Variants in KCP observed in about 807,000 individuals in gnomAD.
The protein encoded by KCP is kielin/chordin-like protein.
KCP carries 194 observed loss-of-function variants against 212.7 expected under a neutral mutation model. The observed-to-expected ratio is 0.91, with a 90% CI of 0.81 to 1.03. KCP has a LOEUF of 1.03. Ranked by LOEUF, KCP falls within the 50% of genes least tolerant of loss-of-function variation. The probability of loss-of-function intolerance (pLI) is 0.00; values close to 1 mark genes in which losing one functional copy is unlikely to be tolerated. For synonymous variants in KCP, 833 were observed against 865.3 expected (o/e 0.96, Z 0.65); for missense variants, 2,080 against 2,162.5 (o/e 0.96, Z 0.76).
In KCP at chr7:128,891,166, C is replaced by T. The variant is rs992184063; in HGVS notation, c.1972+19G>A. Reference sequence around the variant, plus strand: ...GAGGGGACCCCCAGGGAGGAGCAGCCGAGGGGTGCGGCCCCTACCTGGGCA... The same window carrying T: ...GAGGGGACCCCCAGGGAGGAGCAGCTGAGGGGTGCGGCCCCTACCTGGGCA... On this transcript the variant is annotated intron_variant, in intron 19 of 39. Transcript: ENST00000610776. 2 of 1,540,796 alleles carry T rather than the reference C, an allele frequency of 1.3e-6. No individual in the cohort carries two copies. Among genetic ancestry groups the T allele is most frequent in the African/African-American group, 1.4e-5 (1 of 73,026 alleles).
rs1180651756 is a variant in KCP, at chr7:128,877,061, C to T, written c.4869G>A (p.Glu1623=). 3 of 1,529,060 alleles carry T rather than the reference C, an allele frequency of 2.0e-6. No individual in the cohort carries two copies. The highest frequency in any genetic ancestry group is 2.5e-5 in the East Asian group (1 of 40,678). The allele number at this position is 1,529,060 out of a possible 1,614,324, so 94.7% of individuals were successfully genotyped here. The change falls in exon 40 of 40, where the codon GAG becomes GAA. Residue 1623 remains glutamate (E), a synonymous_variant. Transcript: ENST00000610776. ...TCCTGGCTCAGGGTGTCTCCTGGGG[C>T]TCCCGGCTGGGGCTGGGCCGAGCAC... ...PLGARPSPSR[E]PQETP
intron 27 of KCP, 34 bp from the exon 28 acceptor site, chr7:128,884,897 G>A: frequency 1.3e-6 from 2 of 1,542,450 alleles, no homozygotes; most frequent in Non-Finnish European, 1.8e-6. Context: ...ACGGGACCAG[G>A]GGTCCTTCAG....
In KCP at chr7:128,880,738, T is replaced by C. The variant is rs113282626; in HGVS notation, c.3514-17A>G. 3 of 416,346 alleles carry C rather than the reference T, an allele frequency of 7.2e-6. No homozygotes were observed. Among genetic ancestry groups the C allele is most frequent in the African/African-American group, 6.1e-5 (3 of 48,998 alleles). 25.8% of individuals were successfully genotyped at this position (416,346 alleles called of 1,614,324 possible). A position where few individuals can be genotyped will look rare whatever the true frequency, so the allele number is the denominator to read the frequency against. ...ATGGCCCCGCTGAGGACAGACATCA[T>C]TGTTCTGGGGTTTTCTGCAGGGCCG... On this transcript the variant is annotated splice_polypyrimidine_tract_variant and intron_variant, in intron 32 of 39. Coordinates refer to ENST00000610776, the MANE Select transcript of KCP (RefSeq NM_001366122.1).
chr7:128,879,621 C>A lies in KCP; in HGVS notation c.4047G>T (p.Val1349=). ...AGGGCAAGGCCACCGGGTGCCCATCCACCTGGAGGATAAAGGAGGTGGGAG... is the reference window on the plus strand; with the variant it reads ...AGGGCAAGGCCACCGGGTGCCCATCAACCTGGAGGATAAAGGAGGTGGGAG... ...VRLLQDGAVT[V]DGHPVALPFL... The change falls in exon 37 of 40, where the codon GTG becomes GTT. Residue 1349 remains valine (V), a splice_region_variant and synonymous_variant. Coordinates refer to ENST00000610776, the MANE Select transcript of KCP (RefSeq NM_001366122.1). 2 of 1,550,574 alleles carry A rather than the reference C, an allele frequency of 1.3e-6. No individual in the cohort carries two copies. The highest frequency in any genetic ancestry group is 8.7e-7 in the Non-Finnish European group (1 of 1,146,936).
intron 39 of KCP, 38 bp downstream of exon 39, chr7:128,877,446 G>A (rs1191266722): frequency 6.5e-7 from 1 of 1,547,260 alleles, no homozygotes; most frequent in Non-Finnish European, 8.7e-7. Context: ...TCTCTGTGCT[G>A]AGCCTCCCCC....
At position 128,886,720 on chromosome 7, in the gene KCP, G is replaced by A. The variant is rs776859629; in HGVS notation, c.2707C>T (p.Arg903Trp). Reference sequence around the variant, plus strand: ...AACTCCTCCCCATCCTGGTGCTCCCGGCCCTGAGAGAGACAGCCTGTGGGG... The same window carrying A: ...AACTCCTCCCCATCCTGGTGCTCCCAGCCCTGAGAGAGACAGCCTGTGGGG... Reference protein sequence around the residue: ...PVCHSCLSQGREHQDGEEFEG... With the variant: ...PVCHSCLSQGWEHQDGEEFEG... Residue 903 changes from arginine to tryptophan, a missense_variant, in exon 25 of 40, where the codon CGG becomes TGG. By Grantham distance (101) the Arg-to-Trp change is moderately radical. Transcript: ENST00000610776. 9.7e-6 allele frequency: 15 copies of A among 1,551,596 alleles called. No individual in the cohort carries two copies. Among genetic ancestry groups the A allele is most frequent in the South Asian group, 3.6e-5 (3 of 84,062 alleles).
chr7:128,903,466 T>C (rs1294393158), intron 7 of KCP: 6 of 536,808 alleles, frequency 1.1e-5, no homozygotes, highest in Non-Finnish European at 2.0e-5. Flanking sequence ...TGTCTCATGA[T>C]TGGGGAGCAC....
Position 128,877,809 on chromosome 7 carries a change from C to G in KCP, c.4312-19G>C. 6.5e-7 allele frequency: 1 copy of G among 1,531,714 alleles called. No homozygotes were observed. The highest frequency in any genetic ancestry group is 1.2e-5 in the South Asian group (1 of 81,780). 94.9% of individuals were successfully genotyped at this position (1,531,714 alleles called of 1,614,324 possible). On this transcript the variant is annotated intron_variant, in intron 38 of 39. Transcript: ENST00000610776. ...CTGAGACCTGGGTGGGGAGAGCAGCCCTGACGTGACAGCACCACTGGCAGC... is the reference window on the plus strand; with the variant it reads ...CTGAGACCTGGGTGGGGAGAGCAGCGCTGACGTGACAGCACCACTGGCAGC...
intron 17 of KCP, 48 bp downstream of exon 17, chr7:128,891,598 G>A: frequency 6.6e-7 from 1 of 1,515,292 alleles, no homozygotes; most frequent in Non-Finnish European, 8.9e-7. Flanking sequence ...GCCTTCCGGG[G>A]GCCATGCCAT....
At chr7:128,882,940 C>T (rs900103913) in intron 29 of KCP, among the ~76,000 whole-genome samples, 62 of 148,286 alleles carry the variant, frequency 4.2e-4, no homozygotes, top group African/African-American at 1.5e-3. Context: ...GGCTTGATGG[C>T]GCATGCCTAT....
In KCP at chr7:128,877,303, AGCCTACCACTGCAGGGGGAG is replaced by A; in HGVS notation, c.4619-12_4626del. The stretch of plus-strand genomic sequence containing the variant: ...AACACGAAGCCACGCTCCAGGGGGC[AGCCTACCACTGCAGGGGGAG>A]TGGGAGGCGGGGTTACCAAGGCACC... On this transcript the variant is annotated splice_acceptor_variant and splice_polypyrimidine_tract_variant and coding_sequence_variant and intron_variant, in exon 40 of 40. Coordinates refer to ENST00000610776, the MANE Select transcript of KCP (RefSeq NM_001366122.1). LOFTEE classifies it high-confidence loss of function. 1 of 1,520,268 alleles carries A rather than the reference AGCCTACCACTGCAGGGGGAG, an allele frequency of 6.6e-7. No homozygotes were observed. Among genetic ancestry groups the A allele is most frequent in the South Asian group, 1.3e-5 (1 of 79,652 alleles). The allele number at this position is 1,520,268 out of a possible 1,614,324, so 94.2% of individuals were successfully genotyped here. A position where few individuals can be genotyped will look rare whatever the true frequency, so the allele number is the denominator to read the frequency against.
intron 11 of KCP, among the ~76,000 whole-genome samples, 165 bp from the exon 12 acceptor site, chr7:128,893,641 G>A (rs1040619136): frequency 6.6e-6 from 1 of 152,104 alleles, no homozygotes; most frequent in Non-Finnish European, 1.5e-5. Context: ...CCACAGAAGC[G>A]CAGGCCCCAG....
intron 2 of KCP, among the ~76,000 whole-genome samples, chr7:128,907,691 T>C (rs1795197321): frequency 6.6e-6 from 1 of 152,208 alleles, no homozygotes. Flanking sequence ...ATTAAAGACA[T>C]CTTTACCCAT....
chr7:128,908,513 G>A lies in KCP; in HGVS notation c.132C>T (p.Val44=). Reference sequence around the variant, plus strand: ...ACTGCTCCTGGGAGTTCCCAGCAAGGACTGAGGAATGGGCAGTTGTCTGCT... The same window carrying A: ...ACTGCTCCTGGGAGTTCCCAGCAAGAACTGAGGAATGGGCAGTTGTCTGCT... The part of the protein sequence containing the change: ...PGQQTTAHSS[V]LAGNSQEQWH... The change falls in exon 2 of 40, where the codon GTC becomes GTT. Residue 44 remains valine, a synonymous_variant. Coordinates refer to ENST00000610776, the MANE Select transcript of KCP (RefSeq NM_001366122.1). 1.3e-6 allele frequency: 2 copies of A among 1,551,878 alleles called. No individual in the cohort carries two copies. The highest frequency in any genetic ancestry group is 1.4e-5 in the African/African-American group (1 of 73,170).
chr7:128,893,508 G>C lies in KCP; in HGVS notation c.1100-32C>G, dbSNP rs1479381242. 4.1e-6 allele frequency: 6 copies of C among 1,458,782 alleles called. No homozygotes were observed. In the Admixed American group the frequency reaches 9.8e-5, roughly 24 times the overall value. 90.4% of individuals were successfully genotyped at this position (1,458,782 alleles called of 1,614,324 possible). On this transcript the variant is annotated intron_variant, in intron 11 of 39. Coordinates refer to ENST00000610776, the MANE Select transcript of KCP (RefSeq NM_001366122.1). Reference sequence around the variant, plus strand: ...GGGATGACAGGGGCGTGGGGGTATAGGGCTGGAGGCAGAGGGGAAGCTTCA... The same window carrying C: ...GGGATGACAGGGGCGTGGGGGTATACGGCTGGAGGCAGAGGGGAAGCTTCA...
chr7:128,890,216 A>G, intron 21 of KCP, 127 bp downstream of exon 21: 1 of 1,524,352 alleles, frequency 6.6e-7, no homozygotes, highest in Non-Finnish European at 8.9e-7. Context: ...TAGGGCTCCC[A>G]GCCTCGGGGC....
chr7:128,883,120 A>T (rs897608512), intron 29 of KCP, among the ~76,000 whole-genome samples: 29 of 146,672 alleles, frequency 2.0e-4, no homozygotes, highest in Non-Finnish European at 3.5e-4. Context: ...GATTATCATT[A>T]AAAAAAAAAG....
Position 128,881,970 on chromosome 7 carries a change from G to A in KCP, c.3291C>T (p.Ala1097=). The change falls in exon 30 of 40, where the codon GCC becomes GCT. Residue 1097 remains alanine (A), a synonymous_variant. Transcript: ENST00000610776. ...GGCACGTGTAGCAGGGGTCTGGTGG[G>A]GCTAGCTCAGATCCCAGCAGGCCCT... ...CSEGLLGSEL[A]PPDPCYTCQC... 6.4e-7 allele frequency: 1 copy of A among 1,551,354 alleles called. No individual in the cohort carries two copies. Among genetic ancestry groups the A allele is most frequent in the Non-Finnish European group, 8.7e-7 (1 of 1,146,964 alleles).
rs1794289942 is a variant in KCP at position 128,893,237 on chromosome 7, C to T, written c.1267+1G>A. On this transcript the variant is annotated splice_donor_variant, in intron 13 of 39. Transcript: ENST00000610776. LOFTEE classifies it high-confidence loss of function. ...GCTGCTCCTCCCCCTCTCACACACACCTGGGCAGAGCTGGCGGCCAGAGGC... is the reference window on the plus strand; with the variant it reads ...GCTGCTCCTCCCCCTCTCACACACATCTGGGCAGAGCTGGCGGCCAGAGGC... 6.4e-7 allele frequency: 1 copy of T among 1,550,952 alleles called. No homozygotes were observed. Among genetic ancestry groups the T allele is most frequent in the African/African-American group, 1.4e-5 (1 of 73,028 alleles).
Sources: gnomAD v4.1 joint callset for allele counts (sites outside exome capture counted in the v4.1 genomes callset) on GRCh38, gnomAD v4.1.1 for gene constraint, MANE v1.5 for transcripts, NCBI Gene and HGNC (gene_info 2026-07-23, HGNC 2026-07-21) for gene names.